The following RIC1 variants were observed in gnomAD, a reference collection of about 807,000 sequenced individuals.
RIC1 encodes the protein guanine nucleotide exchange factor subunit RIC1.
Under a neutral mutation model 169.0 loss-of-function variants are expected in RIC1, and 88 were observed. The ratio of observed to expected loss-of-function variants is 0.52; its 90% confidence interval spans 0.44 to 0.62. RIC1 has a LOEUF of 0.62. Among genes scored for constraint, RIC1 ranks in the 20% least tolerant of loss-of-function variants. The pLI, the probability that RIC1 is intolerant of heterozygous loss-of-function variation, is 0.00. For synonymous variants in RIC1, 790 were observed against 601.5 expected (o/e 1.31, Z -4.59); for missense variants, 1,877 against 1,725.5 (o/e 1.09, Z -1.56).
At chr9:5,764,625 A>C (rs1826575118) in intron 19 of RIC1, among the ~76,000 whole-genome samples, 1 of 152,220 alleles carries the variant, frequency 6.6e-6, no homozygotes, top group Admixed American at 6.5e-5. Flanking sequence ...TTGCTTCATG[A>C]CAATGAACTG....
chr9:5,705,588 G>C (rs2146715), intron 3 of RIC1, among the ~76,000 whole-genome samples: 4,258 of 152,106 alleles, frequency 0.028, 95 homozygotes, highest in Middle Eastern at 0.085. Context: ...TTTGAATAAA[G>C]AGAGTCCCAT....
At chr9:5,746,116 T>G in intron 11 of RIC1, 33 bp downstream of exon 11, 1 of 1,564,782 alleles carries the variant, frequency 6.4e-7, no homozygotes, top group Non-Finnish European at 8.7e-7. Context: ...TTTTTTAGTG[T>G]CTTTTGTGTT....
chr9:5,689,270 C>T (rs1201699597), intron 2 of RIC1, among the ~76,000 whole-genome samples: 1 of 152,024 alleles, frequency 6.6e-6, no homozygotes, highest in South Asian at 2.1e-4. Context: ...CCAGAATGGT[C>T]TTGATCTCCT....
In RIC1 at chr9:5,751,343, T is replaced by C. The variant is rs948369465; in HGVS notation, c.1453-1857T>C. Reference sequence around the variant, plus strand: ...TATTCTGAACTAATTTTACCCATCATAGTGATCTTTTTGGGGGTCTGGGGG... The same window carrying C: ...TATTCTGAACTAATTTTACCCATCACAGTGATCTTTTTGGGGGTCTGGGGG... On this transcript the variant is annotated intron_variant, in intron 12 of 25. Coordinates refer to ENST00000414202, the MANE Select transcript of RIC1 (RefSeq NM_020829.4). Among the ~76,000 whole-genome samples the C allele has an allele frequency of 4.6e-5, 7 of 151,806 alleles. 1 individual carries two copies. The highest frequency in any genetic ancestry group is 1.7e-4 in the African/African-American group (7 of 41,100).
At chr9:5,654,943 A>C (rs965078286) in intron 1 of RIC1, among the ~76,000 whole-genome samples, 1 of 152,202 alleles carries the variant, frequency 6.6e-6, no homozygotes, top group Non-Finnish European at 1.5e-5. Context: ...TGGATCCTGT[A>C]ACCTTGCTAT....
intron 1 of RIC1, among the ~76,000 whole-genome samples, chr9:5,642,624 C>A (rs1450228018): frequency 6.9e-6 from 1 of 144,932 alleles, no homozygotes; most frequent in African/African-American, 2.8e-5. Flanking sequence ...ATTCTTCCCA[C>A]TTTTTCCCCT....
intron 15 of RIC1, 52 bp downstream of exon 15, chr9:5,754,982 G>C (rs1563952961): frequency 3.4e-6 from 4 of 1,177,250 alleles, no homozygotes; most frequent in Non-Finnish European, 3.6e-6. Context: ...AAGCTATTAA[G>C]CATGAATTAA....
At chr9:5,742,595 G>C (rs56230550) in intron 8 of RIC1, among the ~76,000 whole-genome samples, 1 of 151,568 alleles carries the variant, frequency 6.6e-6, no homozygotes, top group Admixed American at 6.6e-5. Flanking sequence ...TTAAGATTAC[G>C]CAGTTATAAG....
At chr9:5,690,178 G>A in intron 3 of RIC1, 140 bp downstream of exon 3, 1 of 488,726 alleles carries the variant, frequency 2.0e-6, no homozygotes, top group Non-Finnish European at 3.5e-6. Context: ...AAAATTACCA[G>A]GTCTTTGAAC....
intron 3 of RIC1, among the ~76,000 whole-genome samples, chr9:5,699,053 TATTC>T (rs1457326787): frequency 6.6e-6 from 1 of 152,150 alleles, no homozygotes; most frequent in Non-Finnish European, 1.5e-5. Context: ...TTAGGCAGAG[TATTC>T]ATTTATACAA....
chr9:5,714,409 C>T (rs868841926), intron 4 of RIC1, among the ~76,000 whole-genome samples: 1 of 152,076 alleles, frequency 6.6e-6, no homozygotes, highest in Non-Finnish European at 1.5e-5. Flanking sequence ...ACTTTTTCAT[C>T]CAAGTATGAA....
At position 5,775,796 on chromosome 9, in the gene RIC1, A is replaced by G. The variant is rs967730797; in HGVS notation, c.*1550A>G. 1.3e-5 allele frequency: 2 copies of G among 152,228 alleles called. No homozygotes were observed. The highest frequency in any genetic ancestry group is 2.9e-5 in the Non-Finnish European group (2 of 68,028). The allele number at this position is 152,228 out of a possible 1,614,324, so 9.4% of individuals were successfully genotyped here. ...TACTTTTTACATTACAAGTGCAATA[A>G]TATTTCACAAAATGAAACTCCCGAA... On this transcript the variant is annotated 3_prime_UTR_variant, in exon 26 of 26. Transcript: ENST00000414202.
At chr9:5,699,242 G>T (rs759451919) in intron 3 of RIC1, among the ~76,000 whole-genome samples, 1 of 152,142 alleles carries the variant, frequency 6.6e-6, no homozygotes, top group Non-Finnish European at 1.5e-5. Flanking sequence ...TAGTACTGTA[G>T]TTTCCTCCCA....
chr9:5,704,223 T>A (rs1317307749), intron 3 of RIC1, among the ~76,000 whole-genome samples: 2 of 152,038 alleles, frequency 1.3e-5, no homozygotes, highest in Admixed American at 1.3e-4. Flanking sequence ...GTCTTTTTTT[T>A]TTTTATTTTT....
At chr9:5,650,694 G>T (rs1004452515) in intron 1 of RIC1, among the ~76,000 whole-genome samples, 40 of 152,040 alleles carry the variant, frequency 2.6e-4, no homozygotes, top group African/African-American at 9.4e-4. Context: ...ACTGTCAGTG[G>T]CAGCAACCCC....
intron 4 of RIC1, among the ~76,000 whole-genome samples, chr9:5,715,617 G>C (rs1443005275): frequency 6.6e-6 from 1 of 152,140 alleles, no homozygotes; most frequent in East Asian, 1.9e-4. Flanking sequence ...ATATAAGTCA[G>C]ATAAGGCTAG....
chr9:5,659,022 A>C (rs1239387070), intron 2 of RIC1, among the ~76,000 whole-genome samples: 1 of 152,120 alleles, frequency 6.6e-6, no homozygotes, highest in East Asian at 1.9e-4. Context: ...GATGATAGGG[A>C]AAAGTACTTT....
chr9:5,646,563 G>A (rs191223158), intron 1 of RIC1, among the ~76,000 whole-genome samples: 53 of 152,270 alleles, frequency 3.5e-4, no homozygotes, highest in Admixed American at 3.1e-3. Context: ...ATAGTAATAT[G>A]CTATATAGGC....
At chr9:5,771,823 G>A (rs530683707) in intron 23 of RIC1, among the ~76,000 whole-genome samples, 3 of 152,156 alleles carry the variant, frequency 2.0e-5, no homozygotes, top group South Asian at 4.2e-4. Flanking sequence ...CCATGTGGCC[G>A]TCACTCAGCT....
Sources: allele counts gnomAD v4.1 joint callset (sites outside exome capture counted in the v4.1 genomes callset), GRCh38; gene constraint gnomAD v4.1.1; transcripts MANE v1.5; gene names NCBI Gene and HGNC (gene_info 2026-07-23, HGNC 2026-07-21).